MAML3: variants seen among roughly 807,000 people sequenced by gnomAD.
MAML3 encodes the protein mastermind-like protein 3.
A neutral mutation model predicts 101.9 loss-of-function variants in MAML3; 27 were observed. That is an observed-to-expected ratio of 0.27 (90% CI 0.20 to 0.37). The LOEUF (loss-of-function observed/expected upper bound fraction) is 0.37, where lower values mean the gene tolerates loss of function less well. Among genes scored for constraint, MAML3 ranks in the 10% least tolerant of loss-of-function variants. The pLI is 1.00. For missense variants in MAML3, 1,316 were observed against 1,444.9 expected (o/e 0.91, Z 1.45); for synonymous variants, 501 against 555.9 (o/e 0.90, Z 1.39).
At chr4:139,847,819 G>T (rs1731475709) in intron 2 of MAML3, among the ~76,000 whole-genome samples, 1 of 152,184 alleles carries the variant, frequency 6.6e-6, no homozygotes, top group African/African-American at 2.4e-5. Flanking sequence ...TGACTGAGTG[G>T]CAAGCCTAGG....
At chr4:139,831,211 G>A (rs540410063) in intron 2 of MAML3, among the ~76,000 whole-genome samples, 2 of 152,262 alleles carry the variant, frequency 1.3e-5, no homozygotes, top group African/African-American at 4.8e-5. Context: ...TCATCCACCA[G>A]AGATCTATTT....
At chr4:139,937,104 C>G (rs996033116) in intron 1 of MAML3, among the ~76,000 whole-genome samples, 1 of 152,152 alleles carries the variant, frequency 6.6e-6, no homozygotes, top group East Asian at 1.9e-4. Context: ...GCTAACCTGT[C>G]TTTCTTGCTA....
intron 1 of MAML3, among the ~76,000 whole-genome samples, chr4:140,117,556 T>C (rs989027725): frequency 6.6e-6 from 1 of 151,980 alleles, no homozygotes; most frequent in Non-Finnish European, 1.5e-5. Flanking sequence ...CAGTGAGCCA[T>C]GATTGCACCA....
At chr4:139,747,366 G>T (rs1487299829) in intron 2 of MAML3, among the ~76,000 whole-genome samples, 1 of 152,216 alleles carries the variant, frequency 6.6e-6, no homozygotes, top group Non-Finnish European at 1.5e-5. Flanking sequence ...TCTTTAGTTA[G>T]AGAATGAATT....
chr4:139,834,867 T>A (rs1205375733), intron 2 of MAML3, among the ~76,000 whole-genome samples: 1 of 152,164 alleles, frequency 6.6e-6, no homozygotes, highest in African/African-American at 2.4e-5. Context: ...TAAGTCTAGT[T>A]AGAGAGAGGG....
rs541373204 is a variant in MAML3, at chr4:139,758,474, T to C, written c.2080-27807A>G. On this transcript the variant is annotated intron_variant, in intron 2 of 4. Transcript: ENST00000509479. ...GCAGAGGTGGCCAGAAAGACTGATG[T>C]ATGCCCAGCTGTTCATTTGATACCA... Among the ~76,000 whole-genome samples, 171 of 152,366 alleles carry C rather than the reference T, an allele frequency of 1.1e-3. 1 individual carries two copies. The highest frequency in any genetic ancestry group is 3.9e-3 in the African/African-American group (161 of 41,592).
intron 2 of MAML3, among the ~76,000 whole-genome samples, chr4:139,815,686 C>T (rs1332382836): frequency 6.6e-6 from 1 of 152,106 alleles, no homozygotes; most frequent in Non-Finnish European, 1.5e-5. Flanking sequence ...ACTACTACTA[C>T]TTTGTGTTTA....
At chr4:140,045,394 C>CAAA (rs3081944) in intron 1 of MAML3, among the ~76,000 whole-genome samples, 7 of 98,744 alleles carry the variant, frequency 7.1e-5, no homozygotes, top group African/African-American at 2.9e-4. Flanking sequence ...GACTCCAACT[C>CAAA]AAAAAAAAAA....
At chr4:139,913,494 T>G (rs746223836) in intron 1 of MAML3, among the ~76,000 whole-genome samples, 2 of 152,220 alleles carry the variant, frequency 1.3e-5, no homozygotes, top group Non-Finnish European at 2.9e-5. Flanking sequence ...TTTTCCTACT[T>G]TTACACTTGA....
rs763013687 is a variant in MAML3, at chr4:139,719,612, G to A, written c.3128C>T (p.Ala1043Val). The change falls in exon 5 of 5, where the codon GCG becomes GTG. Residue 1043 changes from alanine to valine, a missense_variant. Physicochemically the swap from Ala to Val is moderately conservative, Grantham distance 64. Coordinates refer to ENST00000509479, the MANE Select transcript of MAML3 (RefSeq NM_018717.5). ...CAGGCCAGACATGACCATTGGCCTC[G>A]CCTGGCTGGTGCCTTGCTGCCCCGG... is the stretch of plus-strand genomic sequence containing the variant. ...SLPGQQGTSQ[A>V]RPMVMSGLSQ... The A allele has an allele frequency of 2.5e-5, 40 of 1,612,572 alleles. No homozygotes were observed. Among genetic ancestry groups the A allele is most frequent in the East Asian group, 1.6e-4 (7 of 44,838 alleles).
At chr4:140,041,770 G>A (rs763725966) in intron 1 of MAML3, among the ~76,000 whole-genome samples, 12 of 152,032 alleles carry the variant, frequency 7.9e-5, no homozygotes, top group Non-Finnish European at 1.2e-4. Flanking sequence ...TTTAACATGG[G>A]GAAAATATTT....
At chr4:140,126,723 G>A (rs1459161761) in intron 1 of MAML3, among the ~76,000 whole-genome samples, 1 of 152,090 alleles carries the variant, frequency 6.6e-6, no homozygotes, top group Non-Finnish European at 1.5e-5. Flanking sequence ...ATGACTACCA[G>A]ACATCCCTTC....
chr4:139,824,180 G>C (rs1731021164), intron 2 of MAML3, among the ~76,000 whole-genome samples: 1 of 152,292 alleles, frequency 6.6e-6, no homozygotes, highest in South Asian at 2.1e-4. Flanking sequence ...CCAGGGTATG[G>C]TTCTGATCTA....
At chr4:139,739,850 A>G (rs909219806) in intron 2 of MAML3, among the ~76,000 whole-genome samples, 5 of 151,812 alleles carry the variant, frequency 3.3e-5, no homozygotes, top group Admixed American at 1.3e-4. Flanking sequence ...TATTACTTTT[A>G]GTATTATTTT....
chr4:139,723,679 CAG>C (rs1249569749), intron 4 of MAML3, among the ~76,000 whole-genome samples: 1 of 152,154 alleles, frequency 6.6e-6, no homozygotes, highest in Non-Finnish European at 1.5e-5. Context: ...TTCTGTAACA[CAG>C]GGGAATTATT....
chr4:140,097,881 T>G (rs905463035), intron 1 of MAML3, among the ~76,000 whole-genome samples: 6 of 152,184 alleles, frequency 3.9e-5, no homozygotes, highest in Non-Finnish European at 7.3e-5. Flanking sequence ...TGGCATAGGA[T>G]AGAGGGCATG....
intron 1 of MAML3, among the ~76,000 whole-genome samples, chr4:140,030,005 G>C (rs1296586207): frequency 4.6e-5 from 7 of 151,978 alleles, no homozygotes. Flanking sequence ...ATTTAGGAGT[G>C]CATTTAACAT....
At position 139,943,864 on chromosome 4, in the gene MAML3, C is replaced by CTTTTTTTTTTTTTTTTTTTTTTTTTT. The variant is rs10644498; in HGVS notation, c.469-52898_469-52897insAAAAAAAAAAAAAAAAAAAAAAAAAA. ...GGTTGGGTTGTGGGCCTAAAGACAA[C>CTTTTTTTTTTTTTTTTTTTTTTTTTT]TTTTTTTTTTTTTTTTTTTTTTTTG... On this transcript the variant is annotated intron_variant, in intron 1 of 4. Transcript: ENST00000509479. 4.3e-4 allele frequency among the ~76,000 whole-genome samples: 28 copies of CTTTTTTTTTTTTTTTTTTTTTTTTTT among 65,862 alleles called. 4 individuals are homozygous for CTTTTTTTTTTTTTTTTTTTTTTTTTT. The highest frequency in any genetic ancestry group is 6.4e-4 in the African/African-American group (11 of 17,082). The allele number at this position is 65,862 out of a possible 152,430, so 43.2% of individuals were successfully genotyped here. A position where few individuals can be genotyped will look rare whatever the true frequency, so the allele number is the denominator to read the frequency against.
chr4:140,034,707 A>C (rs1726957629), intron 1 of MAML3, among the ~76,000 whole-genome samples: 1 of 152,248 alleles, frequency 6.6e-6, no homozygotes. Context: ...TTCAGTATTC[A>C]ACTATTCAGT....
Sources: gnomAD v4.1 joint callset for allele counts (sites outside exome capture counted in the v4.1 genomes callset) on GRCh38, gnomAD v4.1.1 for gene constraint, MANE v1.5 for transcripts, NCBI Gene and HGNC (gene_info 2026-07-23, HGNC 2026-07-21) for gene names.